Variants in NRP2 observed in about 807,000 individuals in gnomAD.
NRP2 encodes neuropilin-2.
In NRP2, 52 loss-of-function variants were observed where a neutral mutation model predicts 110.4. That is an observed-to-expected ratio of 0.47 (90% confidence interval 0.38 to 0.59). NRP2 has a LOEUF of 0.59. Among genes scored for constraint, NRP2 ranks in the 20% least tolerant of loss-of-function variants. The probability of loss-of-function intolerance (pLI) is 0.00; values close to 1 mark genes in which losing one functional copy is unlikely to be tolerated. For synonymous variants in NRP2, 508 were observed against 468.9 expected, an observed-to-expected ratio of 1.08 and a Z score of -1.08; for missense variants, 1,049 against 1,203.0, an observed-to-expected ratio of 0.87 and a Z score of 1.89.
chr2:205,777,918 A>C (rs2058124515), intron 15 of NRP2: 1 of 152,236 alleles, frequency 6.6e-6, no homozygotes. Flanking sequence ...GCATCATCAC[A>C]GAGAAGGTCA....
At chr2:205,776,662 C>T (rs2105948328) in intron 15 of NRP2, 2 of 1,557,662 alleles carry the variant, frequency 1.3e-6, no homozygotes, top group South Asian at 1.2e-5. Context: ...CAACCCTGAG[C>T]ACTCTTATCA....
intron 1 of NRP2, among the ~76,000 whole-genome samples, 192 bp downstream of exon 1, chr2:205,683,555 AGTGTGT>A (rs60199072): frequency 0.054 from 8,066 of 150,024 alleles, 480 homozygotes; most frequent in African/African-American, 0.14. Context: ...TCCTGCTAGG[AGTGTGT>A]GTGTGTGTGT....
intron 2 of NRP2, among the ~76,000 whole-genome samples, chr2:205,702,347 C>T (rs144307382): frequency 1.3e-5 from 2 of 152,290 alleles, no homozygotes; most frequent in East Asian, 1.9e-4. Flanking sequence ...ATCCCAAGGC[C>T]AGCATTTCCA....
At position 205,716,263 on chromosome 2, in the gene NRP2, A is replaced by G. The variant is rs1487225802; in HGVS notation, c.322A>G (p.Ile108Val). 1 of 1,614,188 alleles carries G rather than the reference A, an allele frequency of 6.2e-7. No individual in the cohort carries two copies. The highest frequency in any genetic ancestry group is 8.5e-7 in the Non-Finnish European group (1 of 1,180,026). The change falls in exon 3 of 17, where the codon ATC becomes GTC. Residue 108 changes from isoleucine (I) to valine (V), a missense_variant. By Grantham distance (29) the Ile-to-Val change is conservative. Coordinates refer to ENST00000357785, the MANE Select transcript of NRP2 (RefSeq NM_003872.3). ...CCTCCTGGGCAAACACTGTGGGAACATCGCCCCGCCCACCATCATCTCCTC... is the reference window on the plus strand; with the variant it reads ...CCTCCTGGGCAAACACTGTGGGAACGTCGCCCCGCCCACCATCATCTCCTC... ...ADLLGKHCGN[I>V]APPTIISSGS...
rs1474336559 is a variant in NRP2, at chr2:205,683,509, C to T, written c.73+146C>T. The T allele has an allele frequency of 4.3e-6, 3 of 689,980 alleles. No homozygotes were observed. The East Asian group carries it at 8.2e-5, about 19-fold the overall frequency. The allele number at this position is 689,980 out of a possible 1,614,324, so 42.7% of individuals were successfully genotyped here. A position where few individuals can be genotyped will look rare whatever the true frequency, so the allele number is the denominator to read the frequency against. ...AAAGAGAGATCCCAGCCGGCCCTTCCTACACCACCACGGCTGCTAAAACCC... is the reference window on the plus strand; with the variant it reads ...AAAGAGAGATCCCAGCCGGCCCTTCTTACACCACCACGGCTGCTAAAACCC... On this transcript the variant is annotated intron_variant, in intron 1 of 16. Coordinates refer to ENST00000357785, the MANE Select transcript of NRP2 (RefSeq NM_003872.3).
chr2:205,683,350 G>A lies in NRP2; in HGVS notation c.60G>A (p.Val20=), dbSNP rs1446839398. The A allele has an allele frequency of 1.9e-6, 3 of 1,613,314 alleles. No homozygotes were observed. The highest frequency in any genetic ancestry group is 4.5e-5 in the East Asian group (2 of 44,890). The change falls in exon 1 of 17, where the codon GTG becomes GTA. Residue 20 remains valine, a synonymous_variant. Transcript: ENST00000357785. ...CCCTCTACTTTTCAAGACACCAAGTGAGAGGCCAACCAGGTAAGCCACTGA... is the reference window on the plus strand; with the variant it reads ...CCCTCTACTTTTCAAGACACCAAGTAAGAGGCCAACCAGGTAAGCCACTGA... ...FLALYFSRHQ[V]RGQPDPPCGG... is the part of the protein sequence containing the mutation.
chr2:205,690,108 T>C (rs1326732251), intron 1 of NRP2, among the ~76,000 whole-genome samples: 1 of 152,230 alleles, frequency 6.6e-6, no homozygotes, highest in Non-Finnish European at 1.5e-5. Flanking sequence ...TAACCAGTTC[T>C]GGCGAGTCTT....
intron 15 of NRP2, chr2:205,777,915 C>T (rs1480377471): frequency 6.6e-6 from 1 of 152,200 alleles, no homozygotes; most frequent in Non-Finnish European, 1.5e-5. Flanking sequence ...GCCGCATCAT[C>T]ACAGAGAAGG....
chr2:205,761,289 A>G (rs2057817449), intron 12 of NRP2: 1 of 152,222 alleles, frequency 6.6e-6, no homozygotes, highest in South Asian at 2.1e-4. Context: ...TGGCATATAT[A>G]TAGCACTATC....
chr2:205,738,934 T>C (rs931815525), intron 7 of NRP2, among the ~76,000 whole-genome samples: 1 of 152,198 alleles, frequency 6.6e-6, no homozygotes, highest in Admixed American at 6.5e-5. Flanking sequence ...AAAGGTATGG[T>C]GTCTTCAGTG....
intron 11 of NRP2, among the ~76,000 whole-genome samples, chr2:205,750,703 A>G (rs992273705): frequency 6.6e-6 from 1 of 152,190 alleles, no homozygotes; most frequent in African/African-American, 2.4e-5. Flanking sequence ...CTTACAGTAA[A>G]TTACTGATCA....
intron 7 of NRP2, chr2:205,739,941 A>G (rs759999387): frequency 3.0e-5 from 6 of 197,520 alleles, no homozygotes; most frequent in Admixed American, 5.3e-5. Context: ...ACCCTGCCAC[A>G]AAGATCAGAG....
At chr2:205,707,294 C>G (rs2056699393) in intron 2 of NRP2, among the ~76,000 whole-genome samples, 1 of 152,240 alleles carries the variant, frequency 6.6e-6, no homozygotes, top group African/African-American at 2.4e-5. Context: ...GGAAGCGGTT[C>G]CAGCTGACTG....
chr2:205,786,370 G>A (rs2058235945), intron 15 of NRP2, among the ~76,000 whole-genome samples: 1 of 152,186 alleles, frequency 6.6e-6, no homozygotes, highest in African/African-American at 2.4e-5. Flanking sequence ...GAAAAATCCA[G>A]CGATTTAACT....
chr2:205,737,806 A>C (rs564579683), intron 7 of NRP2, among the ~76,000 whole-genome samples: 2 of 152,224 alleles, frequency 1.3e-5, no homozygotes, highest in African/African-American at 4.8e-5. Context: ...TAGGGGACAC[A>C]AACTGTGTGC....
intron 12 of NRP2, among the ~76,000 whole-genome samples, chr2:205,755,355 T>C (rs2057716285): frequency 6.6e-6 from 1 of 152,162 alleles, no homozygotes; most frequent in African/African-American, 2.4e-5. Context: ...CCTTAAGATA[T>C]TGAAAGGGAA....
intron 15 of NRP2, chr2:205,767,321 C>G (rs1035080576): frequency 4.3e-6 from 2 of 467,104 alleles, no homozygotes; most frequent in Non-Finnish European, 4.3e-6. Context: ...CACCATACCT[C>G]AGTGAGGTAC....
chr2:205,770,055 G>A (rs1299015754), intron 15 of NRP2, among the ~76,000 whole-genome samples: 1 of 152,186 alleles, frequency 6.6e-6, no homozygotes, highest in Non-Finnish European at 1.5e-5. Flanking sequence ...TCTGAGCAGA[G>A]CACGGGCAGA....
chr2:205,776,185 A>C (rs765112730), intron 15 of NRP2: 1 of 1,467,838 alleles, frequency 6.8e-7, no homozygotes, highest in South Asian at 1.1e-5. Flanking sequence ...TTTTTAAATT[A>C]GTCTTTTGAT....
Sources: gnomAD v4.1 joint callset for allele counts (sites outside exome capture counted in the v4.1 genomes callset) on GRCh38, gnomAD v4.1.1 for gene constraint, MANE v1.5 for transcripts, NCBI Gene and HGNC (gene_info 2026-07-23, HGNC 2026-07-21) for gene names.